CELF2: variants seen among roughly 807,000 people sequenced by gnomAD.
CELF2 encodes CUG triplet repeat RNA-binding protein 2.
A neutral mutation model predicts 62.6 loss-of-function variants in CELF2; 8 were observed. The observed-to-expected ratio is 0.13, with a 90% confidence interval of 0.07 to 0.23. The LOEUF (loss-of-function observed/expected upper bound fraction) is 0.23, where lower values mean the gene tolerates loss of function less well. CELF2 is among the 10% of genes least tolerant of loss of function. The pLI is 1.00. For missense variants in CELF2, 333 were observed against 671.0 expected, an observed-to-expected ratio of 0.50 and a Z score of 5.56; for synonymous variants, 258 against 250.0, an observed-to-expected ratio of 1.03 and a Z score of -0.30.
chr10:11,067,221 G>T (rs770952069), intron 1 of CELF2, among the ~76,000 whole-genome samples: 3 of 152,178 alleles, frequency 2.0e-5, no homozygotes, highest in African/African-American at 7.2e-5. Flanking sequence ...ATAACCTCTT[G>T]TAAGAGTACG....
chr10:11,179,118 G>C (rs1432750270), intron 2 of CELF2, among the ~76,000 whole-genome samples: 1 of 152,194 alleles, frequency 6.6e-6, no homozygotes, highest in African/African-American at 2.4e-5. Context: ...ATCCTTCGGA[G>C]TAATTTTTAA....
chr10:11,017,688 A>G (rs1272986287), upstream of CELF2, among the ~76,000 whole-genome samples: 2 of 151,950 alleles, frequency 1.3e-5, no homozygotes, highest in Non-Finnish European at 2.9e-5. This position sits in a 1 kb window ranked among gnomAD's most constrained non-coding sequence, Gnocchi z 5.5. Flanking sequence ...GGGGGAGCAG[A>G]GCCAGGCGGG....
chr10:11,183,696 G>T (rs530934369), intron 2 of CELF2, among the ~76,000 whole-genome samples: 1 of 152,302 alleles, frequency 6.6e-6, no homozygotes, highest in African/African-American at 2.4e-5. Context: ...GATGGCTAAC[G>T]ATGCTGAGCA....
At chr10:11,279,573 C>T (rs550941996) in intron 8 of CELF2, among the ~76,000 whole-genome samples, 1 of 152,188 alleles carries the variant, frequency 6.6e-6, no homozygotes, top group Admixed American at 6.5e-5. Context: ...CGTTCTATAA[C>T]CACCCATCTG....
chr10:11,041,755 A>G (rs1448708774), intron 1 of CELF2, among the ~76,000 whole-genome samples: 3 of 152,206 alleles, frequency 2.0e-5, no homozygotes, highest in African/African-American at 7.2e-5. Context: ...TCCTTCCATC[A>G]GGACATAACA....
chr10:10,868,664 G>A (rs536722665), intron 1 of CELF2, among the ~76,000 whole-genome samples: 18 of 152,280 alleles, frequency 1.2e-4, no homozygotes, highest in African/African-American at 3.8e-4. Context: ...AACTCTCCTA[G>A]TTTTCATCTC....
intron 1 of CELF2, among the ~76,000 whole-genome samples, chr10:10,874,043 G>T (rs976331946): frequency 2.6e-5 from 4 of 152,170 alleles, no homozygotes; most frequent in African/African-American, 9.7e-5. Flanking sequence ...AGGTACAGCG[G>T]CTCATGCCTA....
At chr10:11,002,134 C>T (rs940521775), upstream of CELF2, among the ~76,000 whole-genome samples, 1 of 152,162 alleles carries the variant, frequency 6.6e-6, no homozygotes, top group Non-Finnish European at 1.5e-5. The surrounding 1 kb of genome is among the most constrained non-coding windows in gnomAD (Gnocchi z 4.4). Context: ...GCCTCACAAT[C>T]ATGGCGGAAG....
At chr10:11,067,673 CTG>C (rs1034385298) in intron 1 of CELF2, among the ~76,000 whole-genome samples, 1 of 152,208 alleles carries the variant, frequency 6.6e-6, no homozygotes, top group Non-Finnish European at 1.5e-5. Context: ...GCAAGAAACT[CTG>C]TGTTCTGGAT....
chr10:10,867,079 G>A (rs891642536), intron 1 of CELF2, among the ~76,000 whole-genome samples: 1 of 152,074 alleles, frequency 6.6e-6, no homozygotes, highest in African/African-American at 2.4e-5. Flanking sequence ...GGAGGTTGTG[G>A]GTCTTGATGT....
chr10:11,234,402 G>C (rs60482079), intron 3 of CELF2, among the ~76,000 whole-genome samples: 15,225 of 152,234 alleles, frequency 0.1, 1,014 homozygotes, highest in East Asian at 0.24. Flanking sequence ...TCAAGTTCTG[G>C]CTGGGCGCGG....
chr10:10,916,086 A>T (rs2064296129), intron 1 of CELF2, among the ~76,000 whole-genome samples: 1 of 152,228 alleles, frequency 6.6e-6, no homozygotes, highest in South Asian at 2.1e-4. Flanking sequence ...AGCATGGGAT[A>T]TTCTGCTCAA....
the CELF2 span, among the ~76,000 whole-genome samples, chr10:10,589,861 T>C: frequency 7.9e-5 from 12 of 152,332 alleles, no homozygotes; most frequent in African/African-American, 2.9e-4. Context: ...CTCTACATCA[T>C]GCTGCTTCTA....
At chr10:10,916,547 TGA>T (rs2064342462) in intron 1 of CELF2, among the ~76,000 whole-genome samples, 1 of 152,248 alleles carries the variant, frequency 6.6e-6, no homozygotes, top group African/African-American at 2.4e-5. Context: ...TGTGATTCAC[TGA>T]ATAAAGTTCT....
intron 1 of CELF2, among the ~76,000 whole-genome samples, chr10:11,160,458 A>G (rs11812491): frequency 0.012 from 1,811 of 152,274 alleles, 29 homozygotes; most frequent in African/African-American, 0.041. Flanking sequence ...AATCAGTAAA[A>G]AACAAGCAAA....
intron 9 of CELF2, among the ~76,000 whole-genome samples, chr10:11,298,252 C>G (rs999774675): frequency 3.3e-5 from 5 of 152,152 alleles, no homozygotes; most frequent in African/African-American, 1.2e-4. Flanking sequence ...CATGTCATCT[C>G]CCCCTGGGAG....
chr10:11,125,242 C>A (rs2058477087), intron 1 of CELF2, among the ~76,000 whole-genome samples: 1 of 152,114 alleles, frequency 6.6e-6, no homozygotes, highest in Non-Finnish European at 1.5e-5. Context: ...AACTCTCCAG[C>A]GGTCTTACAC....
At chr10:10,950,140 C>G (rs1051241656) in intron 2 of CELF2, among the ~76,000 whole-genome samples, 6 of 152,172 alleles carry the variant, frequency 3.9e-5, no homozygotes, top group Non-Finnish European at 8.8e-5. Context: ...CTGGGTTTCC[C>G]TACCTTGACC....
chr10:11,330,084 G>C lies in CELF2; in HGVS notation c.*1031G>C, dbSNP rs1206555878. 6.6e-6 allele frequency: 1 copy of C among 152,618 alleles called. No homozygotes were observed. The highest frequency in any genetic ancestry group is 1.5e-5 in the Non-Finnish European group (1 of 68,046). The allele number at this position is 152,618 out of a possible 1,614,324, so 9.5% of individuals were successfully genotyped here. A position where few individuals can be genotyped will look rare whatever the true frequency, so the allele number is the denominator to read the frequency against. On this transcript the variant is annotated 3_prime_UTR_variant, in exon 13 of 13. Transcript: ENST00000633077. This position sits in a 1 kb window ranked among gnomAD's most constrained non-coding sequence, Gnocchi z 4.5. ...TTTTTCACCGTTGAACCCTAGACCT[G>C]AAGTTCATGCTTTATCCTCTCGTTG... is the stretch of plus-strand genomic sequence containing the variant.
Sources: allele counts gnomAD v4.1 joint callset (sites outside exome capture counted in the v4.1 genomes callset), GRCh38; gene constraint gnomAD v4.1.1; non-coding constraint Gnocchi (gnomAD v3.1); transcripts MANE v1.5; gene names NCBI Gene and HGNC (gene_info 2026-07-23, HGNC 2026-07-21).